EIPR1: variants seen among roughly 807,000 people sequenced by gnomAD.
EIPR1 encodes the protein EARP and GARP complex-interacting protein 1.
A neutral mutation model predicts 48.1 loss-of-function variants in EIPR1; 25 were observed. The observed-to-expected ratio is 0.52, with a 90% CI of 0.38 to 0.73. The LOEUF (loss-of-function observed/expected upper bound fraction) is 0.73. Ranked by LOEUF, EIPR1 falls within the 30% of genes least tolerant of loss-of-function variation. The pLI, the probability that EIPR1 is intolerant of heterozygous loss-of-function variation, is 0.00. For synonymous variants in EIPR1, 204 were observed against 201.9 expected, an observed-to-expected ratio of 1.01 and a Z score of -0.09; for missense variants, 415 against 506.2, an observed-to-expected ratio of 0.82 and a Z score of 1.73.
chr2:3,293,776 T>A (rs1305261684), intron 3 of EIPR1, among the ~76,000 whole-genome samples: 3 of 152,220 alleles, frequency 2.0e-5, no homozygotes, highest in African/African-American at 7.2e-5. Flanking sequence ...GTTATTATTT[T>A]AAGGCAATGA....
At chr2:3,338,199 T>G (rs1361992627) in intron 2 of EIPR1, 50 bp from the exon 3 acceptor site, 1 of 1,591,026 alleles carries the variant, frequency 6.3e-7, no homozygotes, top group Non-Finnish European at 8.5e-7. Context: ...CTTTCCTCAG[T>G]ACCTTCATCA....
At chr2:3,363,803 C>CAA (rs372598069) in intron 1 of EIPR1, among the ~76,000 whole-genome samples, 23,452 of 132,310 alleles carry the variant, frequency 0.18, 2,210 homozygotes, top group East Asian at 0.3. Flanking sequence ...AACTCAACAG[C>CAA]AAAAAAAAAA....
At chr2:3,348,087 A>C (rs1670458331) in intron 2 of EIPR1, among the ~76,000 whole-genome samples, 1 of 152,176 alleles carries the variant, frequency 6.6e-6, no homozygotes, top group South Asian at 2.1e-4. Flanking sequence ...TGCAGGAACA[A>C]AGTTGTCACC....
intron 4 of EIPR1, among the ~76,000 whole-genome samples, chr2:3,234,678 G>C (rs1000894372): frequency 6.6e-6 from 1 of 152,250 alleles, no homozygotes; most frequent in African/African-American, 2.4e-5. Flanking sequence ...TAAAAGTGCG[G>C]GACGCTGTTG....
intron 2 of EIPR1, among the ~76,000 whole-genome samples, chr2:3,347,516 G>T (rs111356200): frequency 1.3e-5 from 2 of 152,280 alleles, no homozygotes; most frequent in African/African-American, 4.8e-5. Context: ...CACCATGATT[G>T]TGAGGCCTCC....
In EIPR1 at chr2:3,286,165, C is replaced by T. The variant is rs1389583232; in HGVS notation, c.260-28710G>A. 6.6e-6 allele frequency among the ~76,000 whole-genome samples: 1 copy of T among 152,210 alleles called. No homozygotes were observed. The highest frequency in any genetic ancestry group is 1.5e-5 in the Non-Finnish European group (1 of 68,034). Reference sequence around the variant, plus strand: ...ATGGAGCAGACACAAGCCACACCTGCTATCCCTGCCTGATTCCCCACCCTC... The same window carrying T: ...ATGGAGCAGACACAAGCCACACCTGTTATCCCTGCCTGATTCCCCACCCTC... On this transcript the variant is annotated intron_variant, in intron 3 of 8. Transcript: ENST00000382125. This position sits in a 1 kb window ranked among gnomAD's most constrained non-coding sequence, Gnocchi z 4.2.
At chr2:3,354,864 AAATT>A (rs1466339056) in intron 1 of EIPR1, among the ~76,000 whole-genome samples, 2 of 152,266 alleles carry the variant, frequency 1.3e-5, no homozygotes, top group East Asian at 3.9e-4. Flanking sequence ...AATGGGTACA[AAATT>A]AAGTAATAAA....
chr2:3,341,993 G>A (rs1670264825), intron 2 of EIPR1, among the ~76,000 whole-genome samples: 1 of 151,940 alleles, frequency 6.6e-6, no homozygotes, highest in Non-Finnish European at 1.5e-5. Context: ...CTAAGTGATG[G>A]CAACCAATAC....
intron 3 of EIPR1, among the ~76,000 whole-genome samples, chr2:3,334,005 C>G (rs938425435): frequency 7.9e-5 from 12 of 152,096 alleles, no homozygotes; most frequent in African/African-American, 2.9e-4. Context: ...TGCCACCGTT[C>G]ACCAAAATAT....
At chr2:3,322,669 C>T (rs1669570771) in intron 3 of EIPR1, among the ~76,000 whole-genome samples, 2 of 152,236 alleles carry the variant, frequency 1.3e-5, no homozygotes, top group South Asian at 4.1e-4. Flanking sequence ...CTCGCACACA[C>T]ATCTGCCTTT....
chr2:3,334,175 C>G (rs1669978145), intron 3 of EIPR1, among the ~76,000 whole-genome samples: 1 of 152,210 alleles, frequency 6.6e-6, no homozygotes, highest in Non-Finnish European at 1.5e-5. Context: ...ATGCCTCCCA[C>G]CAGCCCAGGC....
intron 3 of EIPR1, among the ~76,000 whole-genome samples, chr2:3,330,927 A>T (rs72765350): frequency 7.0e-6 from 1 of 143,714 alleles, no homozygotes; most frequent in East Asian, 2.2e-4. Flanking sequence ...GAGACTGGCA[A>T]GTGTACACTC....
intron 1 of EIPR1, among the ~76,000 whole-genome samples, chr2:3,357,890 C>T (rs1182824820): frequency 6.6e-6 from 1 of 152,170 alleles, no homozygotes; most frequent in Non-Finnish European, 1.5e-5. Flanking sequence ...CCTAGTGCCT[C>T]CAGGAAGTAA....
chr2:3,367,788 C>T (rs573583636), intron 1 of EIPR1, among the ~76,000 whole-genome samples: 2 of 152,292 alleles, frequency 1.3e-5, no homozygotes, highest in African/African-American at 4.8e-5. Flanking sequence ...GGGGCTCACA[C>T]CTGTAATCCC....
In EIPR1 at chr2:3,312,877, A is replaced by C. The variant is rs1239945333; in HGVS notation, c.259+25140T>G. Among the ~76,000 whole-genome samples the C allele has an allele frequency of 3.3e-5, 5 of 152,220 alleles. No individual in the cohort carries two copies. Among genetic ancestry groups the C allele is most frequent in the Admixed American group, 3.3e-4 (5 of 15,286 alleles). ...TCATATGGAGGTACACCCACTGATA[A>C]GGGTCACCAGATTGAGAAATAAAAA... On this transcript the variant is annotated intron_variant, in intron 3 of 8. Transcript: ENST00000382125. The surrounding 1 kb of genome is among the most constrained non-coding windows in gnomAD (Gnocchi z 5.5).
chr2:3,281,633 T>G (rs1668014215), intron 3 of EIPR1, among the ~76,000 whole-genome samples: 1 of 152,206 alleles, frequency 6.6e-6, no homozygotes, highest in Admixed American at 6.5e-5. Flanking sequence ...AAGGGCTCAG[T>G]AGATCGAACT....
chr2:3,241,781 A>T (rs1666636182), intron 4 of EIPR1, among the ~76,000 whole-genome samples: 1 of 152,204 alleles, frequency 6.6e-6, no homozygotes. Context: ...AACAAGCTGA[A>T]CTTCTTTGAG....
chr2:3,371,672 C>T (rs1671118227), intron 1 of EIPR1, among the ~76,000 whole-genome samples: 1 of 152,164 alleles, frequency 6.6e-6, no homozygotes, highest in African/African-American at 2.4e-5. Flanking sequence ...AATTCAACAA[C>T]AAGAGCTAAC....
Position 3,193,992 on chromosome 2 carries a change from G to C in EIPR1, c.821+7C>G. On this transcript the variant is annotated splice_region_variant and intron_variant, in intron 7 of 8. Transcript: ENST00000382125. The stretch of plus-strand genomic sequence containing the variant: ...CTCCTCCCTGAAGCAGCCAGGAGCG[G>C]CCCTACCAGTGGGAGTGCTCCTCCA... 6.2e-7 allele frequency: 1 copy of C among 1,613,334 alleles called. No individual in the cohort carries two copies. The highest frequency in any genetic ancestry group is 8.5e-7 in the Non-Finnish European group (1 of 1,179,868).
Sources: gnomAD v4.1 joint callset for allele counts (sites outside exome capture counted in the v4.1 genomes callset) on GRCh38, gnomAD v4.1.1 for gene constraint, Gnocchi (gnomAD v3.1) non-coding constraint, MANE v1.5 for transcripts, NCBI Gene and HGNC (gene_info 2026-07-23, HGNC 2026-07-21) for gene names.